KIAA1755: variants seen among roughly 807,000 people sequenced by gnomAD.
KIAA1755 encodes uncharacterized protein KIAA1755.
In KIAA1755, 68 loss-of-function variants were observed where a neutral mutation model predicts 91.7. That is an observed-to-expected ratio of 0.74 (90% CI 0.61 to 0.91). KIAA1755 has a LOEUF of 0.91. KIAA1755 is among the 40% of genes least tolerant of loss of function. The pLI is 0.00. For synonymous variants in KIAA1755, 610 were observed against 604.6 expected (o/e 1.01, Z -0.13); for missense variants, 1,535 against 1,494.4 (o/e 1.03, Z -0.45).
At chr20:38,223,778 A>G (rs1237544848) in intron 8 of KIAA1755, 142 bp from the exon 9 acceptor site, 5 of 630,742 alleles carry the variant, frequency 7.9e-6, no homozygotes, top group Non-Finnish European at 1.4e-5. Flanking sequence ...AGAGCTGGTT[A>G]AAACACAGGC....
chr20:38,236,480 G>C (rs557333506), intron 4 of KIAA1755, among the ~76,000 whole-genome samples: 40 of 152,276 alleles, frequency 2.6e-4, no homozygotes, highest in African/African-American at 9.1e-4. Context: ...ACTGGGCTTT[G>C]GGGGCCCTCC....
chr20:38,226,168 C>A (rs1347908585), intron 7 of KIAA1755, among the ~76,000 whole-genome samples: 1 of 152,140 alleles, frequency 6.6e-6, no homozygotes, highest in Non-Finnish European at 1.5e-5. Context: ...TTGCACAGTT[C>A]CCTGAGGAGC....
At chr20:38,231,908 C>G (rs1007150595) in intron 4 of KIAA1755, among the ~76,000 whole-genome samples, 1 of 152,208 alleles carries the variant, frequency 6.6e-6, no homozygotes, top group Non-Finnish European at 1.5e-5. Context: ...TTTCTTCTTG[C>G]AGACTTTCAA....
At position 38,213,124 on chromosome 20, in the gene KIAA1755, C is replaced by A. The variant is rs1178106378; in HGVS notation, c.3521G>T (p.Gly1174Val). The stretch of plus-strand genomic sequence containing the variant: ...TGTCCCCTCTGAGGAGAAGCTGCCC[C>A]CAGTGAGGCGAGGGACCTGGCTCTG... The part of the protein sequence containing the change: ...PRQSQVPRLT[G>V]GSFSSEGTDS... Residue 1174 changes from glycine (G) to valine (V), a missense_variant, in exon 14 of 14, where the codon GGG becomes GTG. Physicochemically the swap from Gly to Val is moderately radical, Grantham distance 109 (BLOSUM62 -3). Coordinates refer to ENST00000279024, the MANE Select transcript of KIAA1755 (RefSeq NM_001029864.2). The A allele has an allele frequency of 2.5e-6, 4 of 1,609,404 alleles. No homozygotes were observed. The highest frequency in any genetic ancestry group is 3.4e-6 in the Non-Finnish European group (4 of 1,177,094).
In KIAA1755 at chr20:38,246,121, A is replaced by AGGG. The variant is rs368703505; in HGVS notation, c.6_8dup (p.Pro4dup). ...GCTGGATGGCTGTGTCGAGGGATGG[A>AGGG]GGGTCCTGTGGGGGACAGGAGGAGG... On this transcript the variant is annotated inframe_insertion, in exon 2 of 14. Transcript: ENST00000279024. 7.3e-4 allele frequency: 1,183 copies of AGGG among 1,612,776 alleles called. 3 individuals are homozygous for AGGG. In the African/African-American group the frequency reaches 0.01, roughly 14 times the overall value.
chr20:38,211,443 G>C lies in KIAA1755; in HGVS notation c.*1599C>G, dbSNP rs1354441004. ...CAGCTTAATGACACTCCAGAGAGGC[G>C]CTGGCAGGGGCCACTCTGGCCAGTA... On this transcript the variant is annotated 3_prime_UTR_variant, in exon 14 of 14. Coordinates refer to ENST00000279024, the MANE Select transcript of KIAA1755 (RefSeq NM_001029864.2). 6.6e-6 allele frequency: 1 copy of C among 152,234 alleles called. No individual in the cohort carries two copies. Among genetic ancestry groups the C allele is most frequent in the Admixed American group, 6.5e-5 (1 of 15,288 alleles). 9.4% of individuals were successfully genotyped at this position (152,234 alleles called of 1,614,324 possible). A position where few individuals can be genotyped will look rare whatever the true frequency, so the allele number is the denominator to read the frequency against.
intron 10 of KIAA1755, 74 bp from the exon 11 acceptor site, chr20:38,219,842 C>A: frequency 6.4e-7 from 1 of 1,557,704 alleles, no homozygotes. Flanking sequence ...CCCGCATAGG[C>A]CTGCCCCTCC....
intron 12 of KIAA1755, 100 bp downstream of exon 12, chr20:38,218,144 T>C (rs1394783319): frequency 1.3e-6 from 2 of 1,511,386 alleles, no homozygotes; most frequent in African/African-American, 2.7e-5. Context: ...GGAACTTTTC[T>C]TGCTCTTTCC....
At chr20:38,252,268 C>T (rs945488157) in intron 1 of KIAA1755, among the ~76,000 whole-genome samples, 6 of 152,184 alleles carry the variant, frequency 3.9e-5, no homozygotes, top group African/African-American at 1.4e-4. Context: ...TTCACTCATC[C>T]TGTCAGCCCA....
chr20:38,217,109 G>C (rs867920653), intron 13 of KIAA1755, 144 bp downstream of exon 13: 128 of 692,938 alleles, frequency 1.8e-4, no homozygotes, highest in South Asian at 6.0e-4. Context: ...AAGTGGGTGG[G>C]GGGGGGCTGT....
At chr20:38,217,170 G>T in intron 13 of KIAA1755, 83 bp downstream of exon 13, 1 of 1,229,192 alleles carries the variant, frequency 8.1e-7, no homozygotes, top group Non-Finnish European at 1.1e-6. Context: ...AGGCCATGGG[G>T]CTGTGTCTAG....
intron 4 of KIAA1755, among the ~76,000 whole-genome samples, chr20:38,236,044 A>G (rs2075954660): frequency 6.6e-6 from 1 of 152,238 alleles, no homozygotes; most frequent in Admixed American, 6.5e-5. Flanking sequence ...GCAGCAGGCA[A>G]GAGACCACGC....
chr20:38,227,991 A>T (rs2075790957), intron 6 of KIAA1755, among the ~76,000 whole-genome samples, 156 bp downstream of exon 6: 1 of 152,206 alleles, frequency 6.6e-6, no homozygotes, highest in Admixed American at 6.5e-5. Flanking sequence ...AATGAGCTTC[A>T]AGCTTGTTAG....
chr20:38,250,393 T>C (rs965417986), intron 1 of KIAA1755, among the ~76,000 whole-genome samples: 1 of 152,086 alleles, frequency 6.6e-6, no homozygotes, highest in Admixed American at 6.6e-5. Flanking sequence ...TACATGCGAA[T>C]TCTCTGCACA....
intron 13 of KIAA1755, 103 bp from the exon 14 acceptor site, chr20:38,213,846 C>T: frequency 1.3e-6 from 1 of 794,038 alleles, no homozygotes; most frequent in South Asian, 2.4e-5. Context: ...TCAGCTTGGC[C>T]ATGATCTTCT....
chr20:38,260,587 C>T lies in KIAA1755; in HGVS notation c.-87G>A. Reference sequence around the variant, plus strand: ...CGCGGGTCCGTCTGTCTGGGGCAGCCCTCGGTCCCGCCTAGCCCTGGAGCC... The same window carrying T: ...CGCGGGTCCGTCTGTCTGGGGCAGCTCTCGGTCCCGCCTAGCCCTGGAGCC... On this transcript the variant is annotated 5_prime_UTR_variant, in exon 1 of 14. Transcript: ENST00000279024. 6.9e-7 allele frequency: 1 copy of T among 1,453,568 alleles called. No homozygotes were observed. Among genetic ancestry groups the T allele is most frequent in the Non-Finnish European group, 9.1e-7 (1 of 1,103,588 alleles). 90.0% of individuals were successfully genotyped at this position (1,453,568 alleles called of 1,614,324 possible).
At chr20:38,223,213 C>T (rs1056601257) in intron 9 of KIAA1755, 1 of 209,408 alleles carries the variant, frequency 4.8e-6, no homozygotes, top group Non-Finnish European at 9.5e-6. Flanking sequence ...AGGCCCTCCT[C>T]CCTCCCTCAT....
Position 38,210,624 on chromosome 20 carries a change from G to C in KIAA1755, c.*2418C>G, listed in dbSNP as rs932749791. The C allele has an allele frequency of 6.6e-6, 1 of 152,166 alleles. No homozygotes were observed. Among genetic ancestry groups the C allele is most frequent in the African/African-American group, 2.4e-5 (1 of 41,434 alleles). 9.4% of individuals were successfully genotyped at this position (152,166 alleles called of 1,614,324 possible). ...GATTGTTGGGGTACAGTTCTTTCTGGGGACAGAGGGATGCACAAGGTAACC... is the reference window on the plus strand; with the variant it reads ...GATTGTTGGGGTACAGTTCTTTCTGCGGACAGAGGGATGCACAAGGTAACC... On this transcript the variant is annotated 3_prime_UTR_variant, in exon 14 of 14. Transcript: ENST00000279024.
chr20:38,225,580 G>C, intron 8 of KIAA1755, 85 bp downstream of exon 8: 1 of 874,210 alleles, frequency 1.1e-6, no homozygotes. Flanking sequence ...TAGCATAGCA[G>C]GGTTGATGGA....
Sources: gnomAD v4.1 joint callset for allele counts (sites outside exome capture counted in the v4.1 genomes callset) on GRCh38, gnomAD v4.1.1 for gene constraint, MANE v1.5 for transcripts, NCBI Gene and HGNC (gene_info 2026-07-23, HGNC 2026-07-21) for gene names.